The following TENM4 variants were observed in gnomAD, a reference collection of about 807,000 sequenced individuals.
The protein encoded by TENM4 is teneurin transmembrane protein 4.
TENM4 carries 82 observed loss-of-function variants against 243.3 expected under a neutral mutation model. The observed-to-expected ratio is 0.34, with a 90% confidence interval of 0.28 to 0.40. The LOEUF (loss-of-function observed/expected upper bound fraction) is 0.40, where lower values mean the gene tolerates loss of function less well. Among genes scored for constraint, TENM4 ranks in the 10% least tolerant of loss-of-function variants. The pLI is 1.00. For synonymous variants in TENM4, 1,412 were observed against 1,456.3 expected (o/e 0.97, Z 0.69); for missense variants, 3,138 against 3,673.3 (o/e 0.85, Z 3.77).
chr11:79,112,940 A>T (rs1202807671), intron 4 of TENM4, among the ~76,000 whole-genome samples: 1 of 152,188 alleles, frequency 6.6e-6, no homozygotes, highest in Admixed American at 6.5e-5. Context: ...AGAAAAGATC[A>T]GTTCTCACTT....
rs142850427 is a variant in TENM4 at position 78,865,796 on chromosome 11, G to A, written c.1085-2664C>T. ...TGGTTACTGTGGTACAGGAGAAGGT[G>A]TGTGGGACCAGAGGAAAGAAACTAG... On this transcript the variant is annotated intron_variant, in intron 9 of 33. Coordinates refer to ENST00000278550, the MANE Select transcript of TENM4 (RefSeq NM_001098816.3). 3.2e-4 allele frequency among the ~76,000 whole-genome samples: 48 copies of A among 152,312 alleles called. No homozygotes were observed. In the East Asian group the frequency reaches 9.3e-3, roughly 29 times the overall value.
In TENM4 at chr11:78,811,569, A is replaced by AACACACACACAC. The variant is rs749041202; in HGVS notation, c.1978+541_1978+552dup. Among the ~76,000 whole-genome samples the AACACACACACAC allele has an allele frequency of 3.2e-3, 207 of 65,114 alleles. 2 individuals are homozygous for AACACACACACAC. The highest frequency in any genetic ancestry group is 8.1e-3 in the African/African-American group (203 of 25,118). 42.7% of individuals were successfully genotyped at this position (65,114 alleles called of 152,430 possible). A position where few individuals can be genotyped will look rare whatever the true frequency, so the allele number is the denominator to read the frequency against. ...TGGGCACTGCAGAGCCATACACATG[A>AACACACACACAC]ACACACACACACACACACACACACA... On this transcript the variant is annotated intron_variant, in intron 14 of 33. Coordinates refer to ENST00000278550, the MANE Select transcript of TENM4 (RefSeq NM_001098816.3).
At chr11:78,836,170 C>G (rs1202772434) in intron 12 of TENM4, among the ~76,000 whole-genome samples, 2 of 151,730 alleles carry the variant, frequency 1.3e-5, no homozygotes, top group African/African-American at 4.9e-5. Context: ...ACAGCCTCAC[C>G]AACATGGTGA....
intron 3 of TENM4, among the ~76,000 whole-genome samples, chr11:79,195,984 G>A (rs915221793): frequency 2.0e-5 from 3 of 152,072 alleles, no homozygotes; most frequent in Admixed American, 6.5e-5. Flanking sequence ...TCTTTCCCAT[G>A]TTATTCTCAT....
chr11:78,866,571 G>A (rs1858981987), intron 9 of TENM4, among the ~76,000 whole-genome samples: 1 of 152,058 alleles, frequency 6.6e-6, no homozygotes, highest in Non-Finnish European at 1.5e-5. Flanking sequence ...AAGTTAATGA[G>A]GGCAGGACAG....
At chr11:78,742,474 G>A (rs113138173) in intron 19 of TENM4, among the ~76,000 whole-genome samples, 23 of 152,176 alleles carry the variant, frequency 1.5e-4, no homozygotes, top group Non-Finnish European at 2.6e-4. Context: ...TATGAATTAC[G>A]ATCTCCACTT....
chr11:79,202,617 T>A (rs1410333966), intron 3 of TENM4, among the ~76,000 whole-genome samples: 1 of 152,204 alleles, frequency 6.6e-6, no homozygotes, highest in African/African-American at 2.4e-5. Context: ...GGGTGGCTTG[T>A]AAGAACCTGC....
At chr11:78,800,304 G>GCTC in intron 15 of TENM4, among the ~76,000 whole-genome samples, 1 of 152,328 alleles carries the variant, frequency 6.6e-6, no homozygotes, top group Non-Finnish European at 1.5e-5. Flanking sequence ...CAGCAGGCCT[G>GCTC]CTCCCTAGGG....
chr11:79,029,810 C>A (rs1859177306), intron 6 of TENM4, among the ~76,000 whole-genome samples: 1 of 152,148 alleles, frequency 6.6e-6, no homozygotes. Context: ...GGGCTCTTCT[C>A]CAGGAAGCCC....
At chr11:78,912,147 G>A (rs1214045358) in intron 6 of TENM4, among the ~76,000 whole-genome samples, 4 of 152,168 alleles carry the variant, frequency 2.6e-5, no homozygotes, top group Non-Finnish European at 5.9e-5. Context: ...GAGAGACCTG[G>A]GCACATGGAA....
intron 2 of TENM4, among the ~76,000 whole-genome samples, chr11:79,294,830 C>A (rs752609067): frequency 5.3e-5 from 8 of 151,758 alleles, no homozygotes; most frequent in Non-Finnish European, 1.0e-4. Flanking sequence ...GCCTGGGTGA[C>A]AAGAGTGAAA....
intron 12 of TENM4, among the ~76,000 whole-genome samples, chr11:78,832,082 G>A (rs1027966078): frequency 6.6e-6 from 1 of 152,234 alleles, no homozygotes; most frequent in Admixed American, 6.5e-5. Flanking sequence ...ACAGCTGGGT[G>A]GCTGCAGAAC....
intron 3 of TENM4, among the ~76,000 whole-genome samples, chr11:79,171,633 G>T (rs1393797803): frequency 6.6e-6 from 1 of 152,152 alleles, no homozygotes; most frequent in Non-Finnish European, 1.5e-5. Flanking sequence ...CTAGGGTTGG[G>T]AGCCACATGT....
intron 31 of TENM4, among the ~76,000 whole-genome samples, 175 bp from the exon 32 acceptor site, chr11:78,670,726 G>A (rs924934633): frequency 2.6e-5 from 4 of 152,192 alleles, no homozygotes; most frequent in Non-Finnish European, 5.9e-5. Context: ...ACGGGATACT[G>A]CAAATAGGTT....
At chr11:79,298,017 C>T (rs1856485203) in intron 1 of TENM4, among the ~76,000 whole-genome samples, 1 of 151,900 alleles carries the variant, frequency 6.6e-6, no homozygotes, top group Admixed American at 6.6e-5. Context: ...AGCACCACGC[C>T]AGTCATGATT....
rs559054035 is a variant in TENM4, at chr11:78,712,583, G to A, written c.3953C>T (p.Ser1318Phe). The stretch of plus-strand genomic sequence containing the variant: ...GTCACCTGTCCCCGCAACCACCTCA[G>A]AGTTCTTGACAAGGTCCTTCACCAC... Reference protein sequence around the residue: ...TVVVKDLVKNSEVVAGTGDQC... With the variant: ...TVVVKDLVKNFEVVAGTGDQC... Residue 1318 changes from serine (S) to phenylalanine (F), a missense_variant, in exon 26 of 34, where the codon TCT becomes TTT. Transcript: ENST00000278550. 3.7e-6 allele frequency: 6 copies of A among 1,613,954 alleles called. No individual in the cohort carries two copies. The South Asian group carries it at 4.4e-5, about 12-fold the overall frequency.
intron 23 of TENM4, among the ~76,000 whole-genome samples, chr11:78,723,147 TC>T (rs1164472734): frequency 6.6e-6 from 1 of 152,192 alleles, no homozygotes; most frequent in Non-Finnish European, 1.5e-5. Flanking sequence ...ACTATTATTA[TC>T]CCTACTGTAA....
At chr11:78,790,872 CAG>C (rs1321641121) in intron 15 of TENM4, among the ~76,000 whole-genome samples, 3 of 152,184 alleles carry the variant, frequency 2.0e-5, no homozygotes, top group Admixed American at 2.0e-4. Context: ...GTCCTCTACA[CAG>C]AGTTTCCCAG....
At chr11:79,250,683 T>A (rs1447357935) in intron 2 of TENM4, among the ~76,000 whole-genome samples, 1 of 152,252 alleles carries the variant, frequency 6.6e-6, no homozygotes, top group Non-Finnish European at 1.5e-5. Context: ...CAATTCAATG[T>A]CTTAATGGCA....
Sources: allele counts gnomAD v4.1 joint callset (sites outside exome capture counted in the v4.1 genomes callset), GRCh38; gene constraint gnomAD v4.1.1; transcripts MANE v1.5; gene names NCBI Gene and HGNC (gene_info 2026-07-23, HGNC 2026-07-21).